The following EP400 variants were observed in gnomAD, a reference collection of about 807,000 sequenced individuals.
EP400 encodes E1A-binding protein p400.
Under a neutral mutation model 354.1 loss-of-function variants are expected in EP400, and 105 were observed. That is an observed-to-expected ratio of 0.30 (90% CI 0.25 to 0.35). The LOEUF is 0.35. Ranked by LOEUF, EP400 falls within the 10% of genes least tolerant of loss-of-function variation. The pLI is 1.00. For synonymous variants in EP400, 1,646 were observed against 1,716.9 expected (o/e 0.96, Z 1.02); for missense variants, 3,280 against 4,121.0 (o/e 0.80, Z 5.59).
Position 132,013,029 on chromosome 12 carries a change from C to A in EP400, c.3462C>A (p.Ser1154Arg). The change falls in exon 17 of 53, where the codon AGC (serine) becomes AGA (arginine). Residue 1154 changes from serine (S) to arginine (R), a missense_variant. Physicochemically the swap from Ser to Arg is moderately radical, Grantham distance 110 (BLOSUM62 -1). Transcript: ENST00000389561. The surrounding 1 kb of genome is among the most constrained non-coding windows in gnomAD (Gnocchi z 4.5). Reference protein sequence around the residue: ...AKRQEWAEPNSFHVCITSYTQ... With the variant: ...AKRQEWAEPNRFHVCITSYTQ... Reference sequence around the variant, plus strand: ...TGCAGGAGTGGGCCGAACCCAACAGCTTCCACGTCTGCATCACGTCCTACA... The same window carrying A: ...TGCAGGAGTGGGCCGAACCCAACAGATTCCACGTCTGCATCACGTCCTACA... 1 of 1,612,876 alleles carries A rather than the reference C, an allele frequency of 6.2e-7. No homozygotes were observed. Among genetic ancestry groups the A allele is most frequent in the Non-Finnish European group, 8.5e-7 (1 of 1,179,534 alleles).
intron 21 of EP400, among the ~76,000 whole-genome samples, chr12:132,019,710 T>C (rs1488518834): frequency 6.6e-6 from 1 of 152,194 alleles, no homozygotes; most frequent in East Asian, 1.9e-4. Context: ...CTCACTCCCC[T>C]CAGCCCTTGT....
At position 132,023,824 on chromosome 12, in the gene EP400, C is replaced by G. The variant is rs768209049; in HGVS notation, c.4738C>G (p.Gln1580Glu). 1 of 1,613,984 alleles carries G rather than the reference C, an allele frequency of 6.2e-7. No homozygotes were observed. Among genetic ancestry groups the G allele is most frequent in the Admixed American group, 1.7e-5 (1 of 59,988 alleles). ...TCAGCTGGCATCCATCACAGGACCA[C>G]AGAGCCGCGTGGCTCAGCCAGAGAC... ...IAQLASITGP[Q>E]SRVAQPETPV... The change falls in exon 24 of 53, where the codon CAG becomes GAG. Residue 1580 changes from glutamine (Q) to glutamate (E), a missense_variant. Transcript: ENST00000389561.
chr12:131,959,382 C>G (rs1891804129), intron 1 of EP400, among the ~76,000 whole-genome samples: 1 of 152,162 alleles, frequency 6.6e-6, no homozygotes, highest in South Asian at 2.1e-4. Flanking sequence ...GACGGGGCTG[C>G]AGTGGTGGGG....
chr12:132,028,344 A>G (rs1160057935), intron 27 of EP400, 56 bp downstream of exon 27: 2 of 1,588,272 alleles, frequency 1.3e-6, no homozygotes, highest in African/African-American at 1.3e-5. Context: ...CACCCCGGCA[A>G]GACCCCTTCT....
At chr12:131,992,733 A>T (rs961113152) in intron 11 of EP400, among the ~76,000 whole-genome samples, 15 of 152,192 alleles carry the variant, frequency 9.9e-5, no homozygotes, top group African/African-American at 3.4e-4. Context: ...AGTCCTCAGG[A>T]GCAGACTGGA....
chr12:132,067,345 G>A lies in EP400; in HGVS notation c.8750-17G>A, dbSNP rs747100749. On this transcript the variant is annotated splice_polypyrimidine_tract_variant and intron_variant, in intron 49 of 52. Coordinates refer to ENST00000389561, the MANE Select transcript of EP400 (RefSeq NM_015409.5). This position sits in a 1 kb window ranked among gnomAD's most constrained non-coding sequence, Gnocchi z 5.3. ...CTTTTCCCAGTGTGCTGACTAAGGGGCTTTTGCTGCCTGCAGGACAGACCG... is the reference window on the plus strand; with the variant it reads ...CTTTTCCCAGTGTGCTGACTAAGGGACTTTTGCTGCCTGCAGGACAGACCG... 1.2e-6 allele frequency: 2 copies of A among 1,611,196 alleles called. No homozygotes were observed. Among genetic ancestry groups the A allele is most frequent in the Non-Finnish European group, 1.7e-6 (2 of 1,178,510 alleles).
At chr12:131,970,808 T>TA (rs1892263912) in intron 2 of EP400, among the ~76,000 whole-genome samples, 1 of 152,228 alleles carries the variant, frequency 6.6e-6, no homozygotes, top group East Asian at 1.9e-4. Context: ...AGTGAGGTGA[T>TA]TACCGCAATC....
chr12:132,001,063 C>G (rs1162650493), intron 12 of EP400, among the ~76,000 whole-genome samples: 1 of 152,016 alleles, frequency 6.6e-6, no homozygotes, highest in African/African-American at 2.4e-5. Context: ...GGGACCAGCC[C>G]CACAGGGTCG....
At chr12:131,960,551 C>A in intron 1 of EP400, 34 bp from the exon 2 acceptor site, 1 of 1,503,430 alleles carries the variant, frequency 6.7e-7, no homozygotes, top group South Asian at 1.3e-5. Context: ...TTATGTGTGC[C>A]TTCAAGTGAC....
chr12:132,006,052 G>A (rs1397756804), intron 13 of EP400, 60 bp from the exon 14 acceptor site: 3 of 1,504,032 alleles, frequency 2.0e-6, no homozygotes, highest in Admixed American at 2.2e-5. Flanking sequence ...TTTAAAAAAA[G>A]GTTTAGATTT....
At chr12:131,999,260 G>T (rs959501329) in intron 12 of EP400, among the ~76,000 whole-genome samples, 1 of 152,112 alleles carries the variant, frequency 6.6e-6, no homozygotes, top group African/African-American at 2.4e-5. Flanking sequence ...TTTGCAGTGC[G>T]TGGAAGCCTT....
rs996812246 is a variant in EP400 at position 132,050,284 on chromosome 12, C to T, written c.7201-39C>T. The T allele has an allele frequency of 1.3e-5, 21 of 1,611,318 alleles. No homozygotes were observed. The highest frequency in any genetic ancestry group is 1.7e-5 in the Non-Finnish European group (20 of 1,178,176). On this transcript the variant is annotated intron_variant, in intron 39 of 52. Transcript: ENST00000389561. The surrounding 1 kb of genome is among the most constrained non-coding windows in gnomAD (Gnocchi z 4.8). Reference sequence around the variant, plus strand: ...TGTCCCACGCAGCCGTCTGTCCATGCTGCCTAATTCAGATGCACTCTCGTC... The same window carrying T: ...TGTCCCACGCAGCCGTCTGTCCATGTTGCCTAATTCAGATGCACTCTCGTC...
chr12:131,963,155 C>A (rs1891954764), intron 2 of EP400, among the ~76,000 whole-genome samples: 1 of 152,212 alleles, frequency 6.6e-6, no homozygotes. Flanking sequence ...ATTCGTTTTT[C>A]CAACTTCCTG....
At chr12:132,039,707 T>C (rs1197036242) in intron 32 of EP400, among the ~76,000 whole-genome samples, 1 of 152,046 alleles carries the variant, frequency 6.6e-6, no homozygotes, top group African/African-American at 2.4e-5. Context: ...TTTAAGGAGG[T>C]AATACATGCA....
intron 7 of EP400, 63 bp from the exon 8 acceptor site, chr12:131,989,901 T>A: frequency 1.3e-6 from 2 of 1,578,322 alleles, no homozygotes; most frequent in Non-Finnish European, 1.7e-6. Flanking sequence ...AAAAGTTACA[T>A]ATCCTTTTTT....
intron 1 of EP400, among the ~76,000 whole-genome samples, chr12:131,950,696 G>A (rs1037005850): frequency 9.9e-5 from 15 of 152,180 alleles, no homozygotes; most frequent in African/African-American, 3.4e-4. Context: ...TGCGGCCCAC[G>A]GGCTTCTGCT....
At chr12:132,058,903 C>T (rs1349972349) in intron 45 of EP400, among the ~76,000 whole-genome samples, 1 of 151,972 alleles carries the variant, frequency 6.6e-6, no homozygotes, top group African/African-American at 2.4e-5. Context: ...CCTCCCACCT[C>T]AGCTTCCTGA....
At chr12:132,051,772 A>G (rs956636709) in intron 41 of EP400, among the ~76,000 whole-genome samples, 2 of 152,070 alleles carry the variant, frequency 1.3e-5, no homozygotes, top group African/African-American at 4.8e-5. Flanking sequence ...CAGGCCCTCC[A>G]CAAGAGGTGG....
At chr12:131,963,631 C>T (rs1169413163) in intron 2 of EP400, 1 of 1,597,836 alleles carries the variant, frequency 6.3e-7, no homozygotes, top group Admixed American at 1.7e-5. Flanking sequence ...ATCCCAGCAG[C>T]AACCATTTCA....
Sources: allele counts gnomAD v4.1 joint callset (sites outside exome capture counted in the v4.1 genomes callset), GRCh38; gene constraint gnomAD v4.1.1; non-coding constraint Gnocchi (gnomAD v3.1); transcripts MANE v1.5; gene names NCBI Gene and HGNC (gene_info 2026-07-23, HGNC 2026-07-21).